Variants in OAS2 observed in about 807,000 individuals in gnomAD.
The protein encoded by OAS2 is 2'-5'-oligoadenylate synthetase 2, also known as 2'-5'-oligoadenylate synthase 2.
In OAS2, 67 loss-of-function variants were observed where a neutral mutation model predicts 71.3. That is an observed-to-expected ratio of 0.94 (90% CI 0.77 to 1.15). The LOEUF (loss-of-function observed/expected upper bound fraction) is 1.15, where lower values mean the gene tolerates loss of function less well. Ranked by LOEUF, OAS2 falls within the 50% of genes most tolerant of loss-of-function variation. The probability of loss-of-function intolerance (pLI) is 0.00; values close to 1 mark genes in which losing one functional copy is unlikely to be tolerated. For missense variants in OAS2, 789 were observed against 822.5 expected, an observed-to-expected ratio of 0.96 and a Z score of 0.50; for synonymous variants, 327 against 321.8, an observed-to-expected ratio of 1.02 and a Z score of -0.17.
Position 113,003,115 on chromosome 12 carries a change from C to T in OAS2, c.1179+13C>T. Reference sequence around the variant, plus strand: ...CCAGATTGTCCGGGTGAGCACTGGCCTTTCTCATGTCTTGTTGGAATGATG... The same window carrying T: ...CCAGATTGTCCGGGTGAGCACTGGCTTTTCTCATGTCTTGTTGGAATGATG... On this transcript the variant is annotated intron_variant, in intron 6 of 9. Coordinates refer to ENST00000392583, the MANE Select transcript of OAS2 (RefSeq NM_002535.3). 1 of 1,613,554 alleles carries T rather than the reference C, an allele frequency of 6.2e-7. No individual in the cohort carries two copies. Among genetic ancestry groups the T allele is most frequent in the Non-Finnish European group, 8.5e-7 (1 of 1,179,574 alleles).
intron 2 of OAS2, among the ~76,000 whole-genome samples, chr12:112,991,930 G>A (rs1247894532): frequency 1.3e-5 from 2 of 152,144 alleles, no homozygotes; most frequent in African/African-American, 4.8e-5. Context: ...TGGATGGATG[G>A]ATGGAGCATG....
chr12:112,999,837 TAC>T (rs2136389323), intron 5 of OAS2, among the ~76,000 whole-genome samples: 1 of 152,382 alleles, frequency 6.6e-6, no homozygotes, highest in African/African-American at 2.4e-5. Flanking sequence ...ATAGATGCAG[TAC>T]CCATGTGCAA....
intron 2 of OAS2, among the ~76,000 whole-genome samples, chr12:112,990,769 G>A (rs1423228817): frequency 6.6e-6 from 1 of 152,166 alleles, no homozygotes; most frequent in African/African-American, 2.4e-5. Flanking sequence ...CTGCTACAAA[G>A]AGTCTGTTCT....
chr12:112,987,200 T>C lies in OAS2; in HGVS notation c.340T>C (p.Leu114=). The C allele has an allele frequency of 6.2e-7, 1 of 1,614,188 alleles. No individual in the cohort carries two copies. The highest frequency in any genetic ancestry group is 8.5e-7 in the Non-Finnish European group (1 of 1,180,024). The change falls in exon 2 of 10, where the codon TTG becomes CTG. Residue 114 remains leucine (L), a synonymous_variant. Transcript: ENST00000392583. ...GAAGTTCTGTCTGTTCACGAAGTGG[T>C]TGAAAAACAATTTCGAGATCCAGAA... ...KLKFCLFTKW[L]KNNFEIQKSL...
chr12:112,988,491 A>G (rs1241166912), intron 2 of OAS2: 1 of 553,650 alleles, frequency 1.8e-6, no homozygotes, highest in East Asian at 1.5e-4. Context: ...ATTGGCCGAA[A>G]CTCAGTGATT....
At chr12:113,007,986 T>A in intron 9 of OAS2, 43 bp downstream of exon 9, 1 of 1,387,034 alleles carries the variant, frequency 7.2e-7, no homozygotes, top group Non-Finnish European at 1.0e-6. Flanking sequence ...CCTGATTCCC[T>A]TGAACACTGT....
At chr12:113,004,692 A>C (rs2044315314) in intron 6 of OAS2, among the ~76,000 whole-genome samples, 1 of 152,258 alleles carries the variant, frequency 6.6e-6, no homozygotes, top group African/African-American at 2.4e-5. Context: ...TAACTAGCCC[A>C]TCAGTTGTTC....
Position 113,005,040 on chromosome 12 carries a change from A to C in OAS2, c.1286A>C (p.His429Pro). 2 of 1,614,190 alleles carry C rather than the reference A, an allele frequency of 1.2e-6. No homozygotes were observed. The highest frequency in any genetic ancestry group is 1.7e-6 in the Non-Finnish European group (2 of 1,180,018). ...KSYTSQKNER[H>P]KIVKEIHEQL... ...TACACCTCCCAAAAAAACGAGCGGCACAAAATCGTCAAGGAAATCCATGAA... is the reference window on the plus strand; with the variant it reads ...TACACCTCCCAAAAAAACGAGCGGCCCAAAATCGTCAAGGAAATCCATGAA... Residue 429 changes from histidine to proline, a missense_variant, in exon 7 of 10, where the codon CAC (histidine) becomes CCC (proline). Transcript: ENST00000392583.
intron 4 of OAS2, 56 bp downstream of exon 4, chr12:112,997,811 C>A: frequency 7.5e-7 from 1 of 1,329,738 alleles, no homozygotes; most frequent in Non-Finnish European, 1.0e-6. Context: ...GCCAGGCATA[C>A]CTCTTTGGAA....
chr12:112,988,890 C>T lies in OAS2; in HGVS notation c.448+1582C>T, dbSNP rs558349970. On this transcript the variant is annotated intron_variant, in intron 2 of 9. Coordinates refer to ENST00000392583, the MANE Select transcript of OAS2 (RefSeq NM_002535.3). The stretch of plus-strand genomic sequence containing the variant: ...GAATCAGGACCCTCTTTTCCAGCAA[C>T]GCTATCACCTGTAAACCAAAAGTAT... 6.9e-5 allele frequency: 17 copies of T among 245,656 alleles called. No individual in the cohort carries two copies. In the South Asian group the frequency reaches 1.3e-3, roughly 19 times the overall value. 15.2% of individuals were successfully genotyped at this position (245,656 alleles called of 1,614,324 possible).
intron 9 of OAS2, among the ~76,000 whole-genome samples, chr12:113,008,673 T>C (rs2044355065): frequency 6.6e-6 from 1 of 152,230 alleles, no homozygotes; most frequent in Non-Finnish European, 1.5e-5. Flanking sequence ...TCACCCAGGC[T>C]GGAGTGCAGT....
At chr12:112,990,729 G>A (rs973579545) in intron 2 of OAS2, among the ~76,000 whole-genome samples, 1 of 152,176 alleles carries the variant, frequency 6.6e-6, no homozygotes, top group Non-Finnish European at 1.5e-5. Flanking sequence ...GTCAGGTGAT[G>A]CCAGAGTTAG....
In OAS2 at chr12:113,006,483, G is replaced by A. The variant is rs374996888; in HGVS notation, c.1539G>A (p.Ser513=). 67 of 1,613,248 alleles carry A rather than the reference G, an allele frequency of 4.2e-5. No individual in the cohort carries two copies. The highest frequency in any genetic ancestry group is 2.3e-4 in the South Asian group (21 of 91,010). The change falls in exon 8 of 10, where the codon TCG becomes TCA. Residue 513 remains serine (S), a synonymous_variant. Coordinates refer to ENST00000392583, the MANE Select transcript of OAS2 (RefSeq NM_002535.3). ...GGCTCATTGATCTGTATAAATCCTC[G>A]GACCTCCCGGGAGGAGAGTTTTCTA... ...YAGLIDLYKS[S]DLPGGEFSTC... is the part of the protein sequence containing the mutation.
chr12:113,008,958 A>G (rs1218559144), intron 9 of OAS2, 129 bp from the exon 10 acceptor site: 2 of 1,466,134 alleles, frequency 1.4e-6, no homozygotes, highest in African/African-American at 2.9e-5. Context: ...CCTACTAGTA[A>G]ATTTGAGTTG....
At chr12:112,993,916 C>A (rs2044212751) in intron 2 of OAS2, among the ~76,000 whole-genome samples, 1 of 151,030 alleles carries the variant, frequency 6.6e-6, no homozygotes, top group Non-Finnish European at 1.5e-5. Context: ...GTCCTATAGA[C>A]CATTTTTTGT....
chr12:112,986,969 C>T (rs2044142882), intron 1 of OAS2, 69 bp from the exon 2 acceptor site: 1 of 1,527,664 alleles, frequency 6.5e-7, no homozygotes, highest in Non-Finnish European at 8.8e-7. Flanking sequence ...TGAGAAATAC[C>T]ACTGCCTGCT....
chr12:112,998,108 G>A (rs1157102300), intron 4 of OAS2, 158 bp from the exon 5 acceptor site: 2 of 729,512 alleles, frequency 2.7e-6, no homozygotes, highest in African/African-American at 3.6e-5. Flanking sequence ...GGGCCAGAGG[G>A]GCTTGATGTC....
intron 7 of OAS2, among the ~76,000 whole-genome samples, chr12:113,005,933 A>AC (rs2044330414): frequency 7.0e-6 from 1 of 143,840 alleles, no homozygotes; most frequent in African/African-American, 2.6e-5. Context: ...AAAAAAAAAA[A>AC]AAAAAAAAAA....
At chr12:112,988,153 TA>T in intron 2 of OAS2, 1 of 983,744 alleles carries the variant, frequency 1.0e-6, no homozygotes, top group Non-Finnish European at 1.2e-6. Context: ...CCAGGTGTCC[TA>T]AAAGTTCAGC....
Sources: allele counts gnomAD v4.1 joint callset (sites outside exome capture counted in the v4.1 genomes callset), GRCh38; gene constraint gnomAD v4.1.1; transcripts MANE v1.5; gene names NCBI Gene and HGNC (gene_info 2026-07-23, HGNC 2026-07-21).